SUFU: variants seen among roughly 807,000 people sequenced by gnomAD.
The protein encoded by SUFU is SUFU negative regulator of hedgehog signaling.
SUFU carries 7 observed loss-of-function variants against 58.9 expected under a neutral mutation model. The ratio of observed to expected loss-of-function variants is 0.12; its 90% confidence interval spans 0.07 to 0.22. The LOEUF (loss-of-function observed/expected upper bound fraction) is 0.22. SUFU is among the 10% of genes least tolerant of loss of function. The pLI is 1.00. For missense variants in SUFU, 451 were observed against 641.3 expected, an observed-to-expected ratio of 0.70 and a Z score of 3.20; for synonymous variants, 232 against 254.8, an observed-to-expected ratio of 0.91 and a Z score of 0.85.
At chr10:102,553,419 T>C (rs2062940777) in intron 3 of SUFU, among the ~76,000 whole-genome samples, 1 of 152,152 alleles carries the variant, frequency 6.6e-6, no homozygotes, top group African/African-American at 2.4e-5. Flanking sequence ...CAACACAGGT[T>C]GAGCTGCATG....
rs142962359 is a variant in SUFU, at chr10:102,578,320, G to A, written c.455-14262G>A. 3.1e-3 allele frequency among the ~76,000 whole-genome samples: 465 copies of A among 151,980 alleles called. 4 individuals are homozygous for A. Among genetic ancestry groups the A allele is most frequent in the African/African-American group, 0.011 (447 of 41,472 alleles). Reference sequence around the variant, plus strand: ...GGGCCAGGCATGATGGCTCATGCCTGTAATTCCAGAACTTTGGGAGGCCGA... The same window carrying A: ...GGGCCAGGCATGATGGCTCATGCCTATAATTCCAGAACTTTGGGAGGCCGA... On this transcript the variant is annotated intron_variant, in intron 3 of 11. Coordinates refer to ENST00000369902, the MANE Select transcript of SUFU (RefSeq NM_016169.4).
intron 5 of SUFU, 49 bp from the exon 6 acceptor site, chr10:102,593,944 T>C: frequency 6.3e-7 from 1 of 1,599,760 alleles, no homozygotes; most frequent in Non-Finnish European, 8.6e-7. Context: ...GCCCAGCCCA[T>C]CAGCCCCAGA....
At chr10:102,537,458 G>T (rs1211309264) in intron 2 of SUFU, among the ~76,000 whole-genome samples, 1 of 152,090 alleles carries the variant, frequency 6.6e-6, no homozygotes, top group Non-Finnish European at 1.5e-5. Flanking sequence ...ACCATTTTTA[G>T]ATTTACAGTT....
intron 10 of SUFU, among the ~76,000 whole-genome samples, chr10:102,621,014 A>G (rs1228696416): frequency 6.6e-6 from 1 of 152,190 alleles, no homozygotes; most frequent in Non-Finnish European, 1.5e-5. Flanking sequence ...TCCTGATGGG[A>G]AGCCCCAGGC....
rs541020364 is a variant in SUFU, at chr10:102,567,553, G to A, written c.454+17447G>A. ...CAAGAGAACAGAATGGCCCTCCCTCGAGGGTTCTGATGAGGTTCAAGCAGC... is the reference window on the plus strand; with the variant it reads ...CAAGAGAACAGAATGGCCCTCCCTCAAGGGTTCTGATGAGGTTCAAGCAGC... On this transcript the variant is annotated intron_variant, in intron 3 of 11. Coordinates refer to ENST00000369902, the MANE Select transcript of SUFU (RefSeq NM_016169.4). Among the ~76,000 whole-genome samples, 9 of 152,234 alleles carry A rather than the reference G, an allele frequency of 5.9e-5. No homozygotes were observed. The East Asian group carries it at 1.5e-3, about 26-fold the overall frequency.
intron 3 of SUFU, among the ~76,000 whole-genome samples, chr10:102,561,907 G>A (rs2084611475): frequency 1.3e-5 from 2 of 152,074 alleles, no homozygotes; most frequent in Admixed American, 1.3e-4. Flanking sequence ...GGGCTCAAGT[G>A]ATCTGCCCAT....
intron 3 of SUFU, among the ~76,000 whole-genome samples, chr10:102,578,951 A>G (rs1238554836): frequency 6.6e-6 from 1 of 151,686 alleles, no homozygotes; most frequent in Admixed American, 6.6e-5. Context: ...CTGGTGAAGG[A>G]GAGAGGAACA....
intron 3 of SUFU, among the ~76,000 whole-genome samples, chr10:102,566,966 T>C (rs1170998845): frequency 6.7e-6 from 1 of 148,848 alleles, no homozygotes; most frequent in Non-Finnish European, 1.5e-5. Context: ...GTTTATGTTG[T>C]TGTTTAAGAA....
At chr10:102,623,330 C>T (rs2063758410) in intron 10 of SUFU, among the ~76,000 whole-genome samples, 1 of 152,238 alleles carries the variant, frequency 6.6e-6, no homozygotes, top group Non-Finnish European at 1.5e-5. Flanking sequence ...GCCCCACCGT[C>T]CCCACTTGGG....
At chr10:102,548,710 C>A (rs948362923) in intron 2 of SUFU, among the ~76,000 whole-genome samples, 4 of 152,170 alleles carry the variant, frequency 2.6e-5, no homozygotes, top group Non-Finnish European at 4.4e-5. Flanking sequence ...GGAGGTGTGG[C>A]ACCCCACCAG....
At chr10:102,555,043 C>T (rs906299701) in intron 3 of SUFU, among the ~76,000 whole-genome samples, 41 of 151,880 alleles carry the variant, frequency 2.7e-4, no homozygotes, top group Admixed American at 4.6e-4. Flanking sequence ...CCGAGGCGGG[C>T]GAATCACAAG....
chr10:102,592,742 C>T lies in SUFU; in HGVS notation c.597+18C>T, dbSNP rs761796540. The T allele has an allele frequency of 9.3e-6, 15 of 1,613,330 alleles. No homozygotes were observed. Among genetic ancestry groups the T allele is most frequent in the South Asian group, 5.5e-5 (5 of 91,084 alleles). ...TCCTCCAGGTGAGGCACAGGTTGGA[C>T]GCTGGCTCAAGCCTTCCTGTGGGAA... On this transcript the variant is annotated intron_variant, in intron 4 of 11. Coordinates refer to ENST00000369902, the MANE Select transcript of SUFU (RefSeq NM_016169.4).
chr10:102,575,665 G>C (rs1309622886), intron 3 of SUFU, among the ~76,000 whole-genome samples: 3 of 152,166 alleles, frequency 2.0e-5, no homozygotes, highest in African/African-American at 7.2e-5. Context: ...CATACCTTTT[G>C]AAGGAGGCAG....
chr10:102,620,529 G>A (rs1016069114), intron 10 of SUFU, among the ~76,000 whole-genome samples: 2 of 152,206 alleles, frequency 1.3e-5, no homozygotes, highest in South Asian at 2.1e-4. Flanking sequence ...ATCTGGGGGT[G>A]CAGGAAGCCA....
Position 102,615,279 on chromosome 10 carries a change from A to G in SUFU, c.1034A>G (p.Asp345Gly), listed in dbSNP as rs1590082122. 1.9e-6 allele frequency: 3 copies of G among 1,614,154 alleles called. No individual in the cohort carries two copies. The highest frequency in any genetic ancestry group is 2.5e-6 in the Non-Finnish European group (3 of 1,180,026). Residue 345 changes from aspartate (D) to glycine (G), a missense_variant, in exon 9 of 12, where the codon GAC (aspartate) becomes GGC (glycine). Transcript: ENST00000369902. ...LAHDRAPSRK[D>G]SLESDSSTAI... Reference sequence around the variant, plus strand: ...TGCTTGCTTCACAGGAGCCGCAAAGACAGCCTGGAAAGTGACAGCTCCACG... The same window carrying G: ...TGCTTGCTTCACAGGAGCCGCAAAGGCAGCCTGGAAAGTGACAGCTCCACG...
intron 3 of SUFU, among the ~76,000 whole-genome samples, chr10:102,581,112 G>A (rs921056235): frequency 6.9e-6 from 1 of 144,628 alleles, no homozygotes; most frequent in African/African-American, 2.6e-5. Flanking sequence ...CCCAGGAAGT[G>A]GAGGTTGCAG....
chr10:102,570,024 CAG>C (rs1401095696), intron 3 of SUFU, among the ~76,000 whole-genome samples: 8 of 152,154 alleles, frequency 5.3e-5, no homozygotes, highest in Non-Finnish European at 1.2e-4. Context: ...TTTTGTTACT[CAG>C]AATAGAGAGC....
chr10:102,592,979 G>A (rs924085439), intron 4 of SUFU, among the ~76,000 whole-genome samples: 13 of 152,166 alleles, frequency 8.5e-5, no homozygotes, highest in African/African-American at 2.4e-4. Flanking sequence ...ATGGGGTGGC[G>A]GGTATTCTTT....
intron 3 of SUFU, among the ~76,000 whole-genome samples, chr10:102,586,610 T>G (rs907032158): frequency 1.3e-5 from 2 of 152,162 alleles, no homozygotes; most frequent in Non-Finnish European, 1.5e-5. Context: ...GAGGCGGAGC[T>G]TGCAGTGAGC....
Sources: gnomAD v4.1 joint callset for allele counts (sites outside exome capture counted in the v4.1 genomes callset) on GRCh38, gnomAD v4.1.1 for gene constraint, MANE v1.5 for transcripts, NCBI Gene and HGNC (gene_info 2026-07-23, HGNC 2026-07-21) for gene names.